Variants in NSG2 observed in about 807,000 individuals in gnomAD.
NSG2 encodes the protein neuronal vesicle trafficking-associated protein 2.
In NSG2, 4 loss-of-function variants were observed where a neutral mutation model predicts 16.9. That is an observed-to-expected ratio of 0.24 (90% CI 0.12 to 0.54). The LOEUF (loss-of-function observed/expected upper bound fraction) is 0.54. Ranked by LOEUF, NSG2 falls within the 20% of genes least tolerant of loss-of-function variation. NSG2 has a pLI of 0.95. For synonymous variants in NSG2, 98 were observed against 88.7 expected, an observed-to-expected ratio of 1.11 and a Z score of -0.59; for missense variants, 179 against 221.1, an observed-to-expected ratio of 0.81 and a Z score of 1.21.
chr5:174,104,866 C>T (rs1259748024), intron 4 of NSG2, among the ~76,000 whole-genome samples: 1 of 152,154 alleles, frequency 6.6e-6, no homozygotes, highest in African/African-American at 2.4e-5. Context: ...GTTTTCTTGC[C>T]TGCAAAATGG....
chr5:174,076,071 A>G (rs1400049250), intron 3 of NSG2, among the ~76,000 whole-genome samples: 2 of 152,216 alleles, frequency 1.3e-5, no homozygotes, highest in Non-Finnish European at 2.9e-5. Context: ...TGTTAGTTCT[A>G]TAACTCACTG....
intron 2 of NSG2, 25 bp from the exon 3 acceptor site, chr5:174,064,207 C>T: frequency 6.4e-7 from 1 of 1,553,818 alleles, no homozygotes; most frequent in Non-Finnish European, 8.8e-7. Context: ...TCCATGCATG[C>T]TAACACACTG....
At chr5:174,105,320 C>T (rs1429650204) in intron 4 of NSG2, among the ~76,000 whole-genome samples, 1 of 152,162 alleles carries the variant, frequency 6.6e-6, no homozygotes, top group South Asian at 2.1e-4. Flanking sequence ...ATCTGACCGC[C>T]TCTAGCTGGT....
At chr5:174,070,917 A>G (rs573648437) in intron 3 of NSG2, among the ~76,000 whole-genome samples, 1 of 152,150 alleles carries the variant, frequency 6.6e-6, no homozygotes, top group East Asian at 1.9e-4. Flanking sequence ...GGTGTGTTGC[A>G]TTGTGGGCCC....
intron 3 of NSG2, among the ~76,000 whole-genome samples, chr5:174,088,974 A>C (rs934976419): frequency 5.3e-5 from 8 of 152,206 alleles, no homozygotes; most frequent in African/African-American, 1.9e-4. Context: ...CTTTGAGGGC[A>C]GACTTGGCTT....
intron 3 of NSG2, chr5:174,066,347 G>A (rs1171238981): frequency 4.6e-6 from 2 of 432,888 alleles, no homozygotes; most frequent in Admixed American, 2.4e-5. Context: ...CAGGCCACGG[G>A]GTCAAATTTA....
chr5:174,052,340 G>T (rs1263542520), intron 2 of NSG2, among the ~76,000 whole-genome samples: 5 of 152,116 alleles, frequency 3.3e-5, no homozygotes, highest in African/African-American at 9.7e-5. Flanking sequence ...GTGGTACCAG[G>T]TTGATTGGGA....
intron 3 of NSG2, among the ~76,000 whole-genome samples, chr5:174,089,149 GGTC>G (rs1430855903): frequency 6.6e-6 from 1 of 152,188 alleles, no homozygotes; most frequent in African/African-American, 2.4e-5. Context: ...CTGACAAGGA[GGTC>G]TGTCTATAAG....
At chr5:174,078,769 A>C (rs961577597) in intron 3 of NSG2, among the ~76,000 whole-genome samples, 6 of 152,248 alleles carry the variant, frequency 3.9e-5, no homozygotes, top group Non-Finnish European at 7.3e-5. Context: ...GTGAGGACAC[A>C]GATAGAAGGC....
At position 174,103,333 on chromosome 5, in the gene NSG2, A is replaced by G. The variant is rs539854744; in HGVS notation, c.214-895A>G. Among the ~76,000 whole-genome samples, 42 of 152,280 alleles carry G rather than the reference A, an allele frequency of 2.8e-4. 1 individual carries two copies. The highest frequency in any genetic ancestry group is 9.1e-4 in the African/African-American group (38 of 41,542). On this transcript the variant is annotated intron_variant, in intron 3 of 4. Coordinates refer to ENST00000303177, the MANE Select transcript of NSG2 (RefSeq NM_015980.5). ...TGTGGTGTTTGAGAAAAAGGGAGTC[A>G]TGGATGACTTCAGGATATTTGGCCT...
Position 174,064,247 on chromosome 5 carries a change from A to G in NSG2, c.145A>G (p.Arg49Gly). The G allele has an allele frequency of 6.2e-7, 1 of 1,610,330 alleles. No individual in the cohort carries two copies. The highest frequency in any genetic ancestry group is 8.5e-7 in the Non-Finnish European group (1 of 1,177,586). The change falls in exon 3 of 5, where the codon AGA (arginine) becomes GGA (glycine). Residue 49 changes from arginine (R) to glycine (G), a missense_variant. Transcript: ENST00000303177. ...ACTCTTTCAGGTGATTGTGAAGACA[A>G]GAACGGAATATCAGCCGGAACAGAA... is the stretch of plus-strand genomic sequence containing the variant. The part of the protein sequence containing the change: ...PAPEKVIVKT[R>G]TEYQPEQKNK...
chr5:174,086,026 G>A (rs1273905334), intron 3 of NSG2, among the ~76,000 whole-genome samples: 3 of 152,172 alleles, frequency 2.0e-5, no homozygotes, highest in Non-Finnish European at 4.4e-5. Context: ...CTTTGTGGTA[G>A]ATGGTGGCCT....
At chr5:174,052,640 T>A (rs1337875765) in intron 2 of NSG2, among the ~76,000 whole-genome samples, 1 of 152,224 alleles carries the variant, frequency 6.6e-6, no homozygotes, top group African/African-American at 2.4e-5. Context: ...GGTGCTTTGC[T>A]GCCTTTGGTT....
chr5:174,101,071 A>T (rs1760890384), intron 3 of NSG2, among the ~76,000 whole-genome samples: 1 of 152,194 alleles, frequency 6.6e-6, no homozygotes, highest in South Asian at 2.1e-4. Flanking sequence ...CTGAGCATGC[A>T]CGAGCTCGAC....
chr5:174,055,733 A>T (rs1239553946), intron 2 of NSG2, among the ~76,000 whole-genome samples: 2 of 152,234 alleles, frequency 1.3e-5, no homozygotes, highest in Non-Finnish European at 2.9e-5. Context: ...GACAAAGTTT[A>T]TTCCATGGAA....
intron 2 of NSG2, 21 bp from the exon 3 acceptor site, chr5:174,064,211 C>G (rs377339567): frequency 6.4e-6 from 10 of 1,569,910 alleles, no homozygotes; most frequent in Non-Finnish European, 8.7e-6. Flanking sequence ...TGCATGCTAA[C>G]ACACTGGTTG....
At chr5:174,063,865 TTTG>T (rs1760097211) in intron 2 of NSG2, among the ~76,000 whole-genome samples, 1 of 152,194 alleles carries the variant, frequency 6.6e-6, no homozygotes, top group South Asian at 2.1e-4. Flanking sequence ...CAATGATATA[TTTG>T]TTTACATTGG....
chr5:174,086,630 A>T (rs1760627386), intron 3 of NSG2: 1 of 152,220 alleles, frequency 6.6e-6, no homozygotes, highest in Non-Finnish European at 1.5e-5. Context: ...GGTGAGATCT[A>T]GGTAAACAGG....
chr5:174,097,699 G>A (rs1476548682), intron 3 of NSG2, among the ~76,000 whole-genome samples: 1 of 150,786 alleles, frequency 6.6e-6, no homozygotes, highest in Non-Finnish European at 1.5e-5. Flanking sequence ...GTAACTGTGT[G>A]TGTCTTTTTG....
Sources: gnomAD v4.1 joint callset for allele counts (sites outside exome capture counted in the v4.1 genomes callset) on GRCh38, gnomAD v4.1.1 for gene constraint, MANE v1.5 for transcripts, NCBI Gene and HGNC (gene_info 2026-07-23, HGNC 2026-07-21) for gene names.